Variants in CSMD1 observed in about 807,000 individuals in gnomAD.
The protein encoded by CSMD1 is CUB and sushi domain-containing protein 1.
Under a neutral mutation model 417.5 loss-of-function variants are expected in CSMD1, and 213 were observed. The observed-to-expected ratio is 0.51, with a 90% CI of 0.46 to 0.57. CSMD1 has a LOEUF of 0.57. Ranked by LOEUF, CSMD1 falls within the 20% of genes least tolerant of loss-of-function variation. CSMD1 has a pLI of 0.00. For missense variants in CSMD1, 6,923 were observed against 4,529.7 expected (o/e 1.53, Z -15.17); for synonymous variants, 2,862 against 1,736.8 (o/e 1.65, Z -16.11).
intron 3 of CSMD1, among the ~76,000 whole-genome samples, chr8:4,074,256 T>C (rs1585256237): frequency 6.6e-6 from 1 of 152,036 alleles, no homozygotes; most frequent in South Asian, 2.1e-4. Context: ...AAAAACAAAT[T>C]GTTTCATAAA....
At chr8:4,288,207 G>T (rs997510208) in intron 3 of CSMD1, among the ~76,000 whole-genome samples, 14 of 152,110 alleles carry the variant, frequency 9.2e-5, no homozygotes. Flanking sequence ...GCAGTGGATG[G>T]ATTCGTCCAC....
chr8:3,711,543 T>C (rs1801509509), intron 6 of CSMD1, among the ~76,000 whole-genome samples: 1 of 152,212 alleles, frequency 6.6e-6, no homozygotes, highest in Non-Finnish European at 1.5e-5. Flanking sequence ...CCACGGCACC[T>C]GGCGTCTTCC....
intron 3 of CSMD1, among the ~76,000 whole-genome samples, chr8:4,042,600 G>A (rs182016854): frequency 6.6e-6 from 1 of 151,654 alleles, no homozygotes; most frequent in African/African-American, 2.4e-5. Flanking sequence ...CAAGCACCAG[G>A]AATGATACCC....
chr8:4,038,328 T>A (rs967592769), intron 3 of CSMD1, among the ~76,000 whole-genome samples: 1 of 152,182 alleles, frequency 6.6e-6, no homozygotes, highest in Non-Finnish European at 1.5e-5. Context: ...CATAGTATTA[T>A]AAATCCATTA....
chr8:4,087,101 A>T (rs1800460948), intron 3 of CSMD1, among the ~76,000 whole-genome samples: 2 of 152,180 alleles, frequency 1.3e-5, no homozygotes, highest in Non-Finnish European at 2.9e-5. Flanking sequence ...TTCTTCCTGG[A>T]GCAACTGGCA....
intron 5 of CSMD1, among the ~76,000 whole-genome samples, chr8:3,772,757 A>C (rs1798687211): frequency 1.3e-5 from 2 of 151,054 alleles, no homozygotes; most frequent in African/African-American, 4.9e-5. Flanking sequence ...CATTCAGCAA[A>C]TATTGAACGA....
At chr8:3,039,554 C>T (rs2128982902) in intron 50 of CSMD1, among the ~76,000 whole-genome samples, 1 of 151,654 alleles carries the variant, frequency 6.6e-6, no homozygotes, top group South Asian at 2.1e-4. Context: ...TCCTTCCTTT[C>T]CTCCTTATTT....
intron 1 of CSMD1, among the ~76,000 whole-genome samples, chr8:4,832,290 A>G (rs952251218): frequency 2.0e-5 from 3 of 152,150 alleles, no homozygotes; most frequent in African/African-American, 4.8e-5. Flanking sequence ...TGAGATGTTC[A>G]GTCCTTAGCG....
intron 25 of CSMD1, among the ~76,000 whole-genome samples, chr8:3,306,649 TAAC>T (rs201655291): frequency 3.2e-4 from 49 of 151,762 alleles, no homozygotes; most frequent in Non-Finnish European, 4.6e-4. Context: ...AGAAAATTAA[TAAC>T]AACAATGAAA....
intron 3 of CSMD1, among the ~76,000 whole-genome samples, chr8:4,136,150 T>C (rs1249058379): frequency 6.6e-6 from 1 of 152,212 alleles, no homozygotes; most frequent in Non-Finnish European, 1.5e-5. Flanking sequence ...GCTATAACTA[T>C]ACTGTTTTCT....
At chr8:4,421,785 CA>C (rs201994891) in intron 2 of CSMD1, among the ~76,000 whole-genome samples, 3 of 149,520 alleles carry the variant, frequency 2.0e-5, no homozygotes, top group Non-Finnish European at 4.5e-5. Flanking sequence ...AAGAAAAAAA[CA>C]AAAAAAACTA....
chr8:3,096,857 A>G lies in CSMD1; in HGVS notation c.7130T>C (p.Val2377Ala). ...AGATTAAAGAAACTTACCATCAAAC[A>G]CTTCCAGTGCATCAAACTGCTTTTC... ...QSEKQFDALE[V>A]FDGSSGQSPL... The change falls in exon 47 of 70, where the codon GTG (valine) becomes GCG (alanine). Residue 2377 changes from valine (V) to alanine (A), a missense_variant. Coordinates refer to ENST00000635120, the MANE Select transcript of CSMD1 (RefSeq NM_033225.6). The G allele has an allele frequency of 1.3e-6, 2 of 1,548,988 alleles. No homozygotes were observed. Among genetic ancestry groups the G allele is most frequent in the Non-Finnish European group, 1.7e-6 (2 of 1,145,202 alleles).
intron 23 of CSMD1, among the ~76,000 whole-genome samples, chr8:3,327,109 A>G (rs554615386): frequency 1.3e-5 from 2 of 152,018 alleles, no homozygotes; most frequent in African/African-American, 4.8e-5. Flanking sequence ...CTCCTGTCTC[A>G]TCATTGGCAT....
chr8:3,751,389 TATATAA>T (rs1318954210), intron 6 of CSMD1, among the ~76,000 whole-genome samples: 3 of 147,970 alleles, frequency 2.0e-5, no homozygotes, highest in African/African-American at 4.9e-5. Flanking sequence ...ATATATTTCT[TATATAA>T]ATATAATACA....
intron 3 of CSMD1, among the ~76,000 whole-genome samples, chr8:4,354,415 T>C (rs935617916): frequency 6.6e-6 from 1 of 152,166 alleles, no homozygotes; most frequent in Non-Finnish European, 1.5e-5. Flanking sequence ...CCAACAGAAC[T>C]GAAATAGCAT....
In CSMD1 at chr8:3,843,537, T is replaced by TA. The variant is rs372104864; in HGVS notation, c.819-89496dup. On this transcript the variant is annotated intron_variant, in intron 5 of 69. Coordinates refer to ENST00000635120, the MANE Select transcript of CSMD1 (RefSeq NM_033225.6). Reference sequence around the variant, plus strand: ...AGAAAAATGTGAAACTATATAAAAGTAAAAAAAAAACAAGTTATTCACGAT... The same window carrying TA: ...AGAAAAATGTGAAACTATATAAAAGTAAAAAAAAAAACAAGTTATTCACGAT... Among the ~76,000 whole-genome samples the TA allele has an allele frequency of 6.9e-3, 1,020 of 147,978 alleles. 4 individuals are homozygous for TA. The highest frequency in any genetic ancestry group is 0.021 in the African/African-American group (852 of 40,454).
At chr8:4,285,702 A>G (rs2128863334) in intron 3 of CSMD1, among the ~76,000 whole-genome samples, 1 of 152,292 alleles carries the variant, frequency 6.6e-6, no homozygotes, top group South Asian at 2.1e-4. Flanking sequence ...TTCCAGAACT[A>G]GTAAAACAGT....
At chr8:4,595,387 C>CTTTTTTTTTTTTTTTTCTTTTT in intron 2 of CSMD1, among the ~76,000 whole-genome samples, 104 of 147,144 alleles carry the variant, frequency 7.1e-4, no homozygotes, top group Middle Eastern at 3.5e-3. Flanking sequence ...CATTCATTTT[C>CTTTTTTTTTTTTTTTTCTTTTT]ATTCCATCCA....
chr8:3,802,232 T>A (rs1800494698), intron 5 of CSMD1, among the ~76,000 whole-genome samples: 1 of 152,144 alleles, frequency 6.6e-6, no homozygotes, highest in South Asian at 2.1e-4. Flanking sequence ...AAAATATACA[T>A]GATAGAGGCA....
Sources: allele counts gnomAD v4.1 joint callset (sites outside exome capture counted in the v4.1 genomes callset), GRCh38; gene constraint gnomAD v4.1.1; transcripts MANE v1.5; gene names NCBI Gene and HGNC (gene_info 2026-07-23, HGNC 2026-07-21).